Variants in KHDRBS2 observed in about 807,000 individuals in gnomAD.
KHDRBS2 encodes the protein KH domain-containing, RNA-binding, signal transduction-associated protein 2.
KHDRBS2 carries 26 observed loss-of-function variants against 44.3 expected under a neutral mutation model. The ratio of observed to expected loss-of-function variants is 0.59; its 90% CI spans 0.43 to 0.81. The LOEUF (loss-of-function observed/expected upper bound fraction) is 0.81. Among genes scored for constraint, KHDRBS2 ranks in the 40% least tolerant of loss-of-function variants. KHDRBS2 has a pLI of 0.00. For missense variants in KHDRBS2, 476 were observed against 433.1 expected, an observed-to-expected ratio of 1.10 and a Z score of -0.88; for synonymous variants, 194 against 151.1, an observed-to-expected ratio of 1.28 and a Z score of -2.08.
intron 4 of KHDRBS2, among the ~76,000 whole-genome samples, chr6:61,905,856 T>TTC (rs1310608771): frequency 8.5e-5 from 12 of 141,438 alleles, no homozygotes; most frequent in Admixed American, 2.1e-4. Context: ...AAACTTTTCT[T>TTC]TTTTTTTTTT....
At chr6:61,839,834 G>A (rs1342742065) in intron 6 of KHDRBS2, among the ~76,000 whole-genome samples, 1 of 152,002 alleles carries the variant, frequency 6.6e-6, no homozygotes, top group East Asian at 1.9e-4. Flanking sequence ...AGCAGGAACA[G>A]GTAAGAAAGA....
intron 2 of KHDRBS2, among the ~76,000 whole-genome samples, chr6:62,066,117 A>C (rs1005068511): frequency 6.7e-6 from 1 of 149,878 alleles, no homozygotes; most frequent in Non-Finnish European, 1.5e-5. Context: ...TTTACTCAAA[A>C]AGATTCATTA....
Position 62,099,597 on chromosome 6 carries a change from C to T in KHDRBS2, c.220-51603G>A, listed in dbSNP as rs189999993. 4.8e-4 allele frequency among the ~76,000 whole-genome samples: 73 copies of T among 152,276 alleles called. 1 individual carries two copies. In the East Asian group the frequency reaches 0.013, roughly 27 times the overall value. On this transcript the variant is annotated intron_variant, in intron 2 of 8. Transcript: ENST00000281156. Reference sequence around the variant, plus strand: ...GGTCAGGAACCGTGGGGCTGTGACCCATGCTGGACCTCCCTGGTGAAGGGC... The same window carrying T: ...GGTCAGGAACCGTGGGGCTGTGACCTATGCTGGACCTCCCTGGTGAAGGGC...
At chr6:62,000,796 A>T (rs1778093946) in intron 3 of KHDRBS2, among the ~76,000 whole-genome samples, 1 of 152,216 alleles carries the variant, frequency 6.6e-6, no homozygotes, top group African/African-American at 2.4e-5. Context: ...AGTCAGCATC[A>T]CATGTTCAAA....
intron 6 of KHDRBS2, among the ~76,000 whole-genome samples, chr6:61,792,952 C>A (rs1347909940): frequency 6.6e-6 from 1 of 151,764 alleles, no homozygotes; most frequent in African/African-American, 2.4e-5. Context: ...CAAGAGGGGC[C>A]AAGAAAACAG....
intron 4 of KHDRBS2, among the ~76,000 whole-genome samples, chr6:61,954,949 CAT>C (rs372903655): frequency 2.6e-4 from 17 of 66,406 alleles, no homozygotes; most frequent in East Asian, 6.4e-4. Flanking sequence ...TATGTGTATA[CAT>C]ATATATGTAT....
At chr6:62,251,637 A>G (rs1181399442) in intron 1 of KHDRBS2, among the ~76,000 whole-genome samples, 10 of 151,992 alleles carry the variant, frequency 6.6e-5, no homozygotes, top group Non-Finnish European at 2.9e-5. Context: ...ATTTCAATAA[A>G]TAATTGAAGT....
the KHDRBS2 span, among the ~76,000 whole-genome samples, chr6:61,621,917 A>G: frequency 6.6e-6 from 1 of 152,166 alleles, no homozygotes; most frequent in African/African-American, 2.4e-5. Flanking sequence ...ATTCTTTAGC[A>G]CCTGAAAAAA....
the KHDRBS2 span, among the ~76,000 whole-genome samples, chr6:61,548,251 A>C: frequency 1.6e-4 from 25 of 152,280 alleles, no homozygotes; most frequent in African/African-American, 6.0e-4. Context: ...AAGCCAAAAC[A>C]TGAGATATTT....
chr6:62,239,294 T>C (rs138325171), intron 1 of KHDRBS2, among the ~76,000 whole-genome samples: 104 of 152,256 alleles, frequency 6.8e-4, no homozygotes, highest in African/African-American at 2.4e-3. Context: ...CAAGTATGGC[T>C]GAGCACGGTG....
chr6:62,062,664 C>T (rs1357270154), intron 2 of KHDRBS2, among the ~76,000 whole-genome samples: 2 of 148,306 alleles, frequency 1.3e-5, no homozygotes, highest in African/African-American at 2.5e-5. Flanking sequence ...TAAATGCCCA[C>T]AAGAGAAAGC....
chr6:61,614,142 T>A, the KHDRBS2 span, among the ~76,000 whole-genome samples: 1 of 152,214 alleles, frequency 6.6e-6, no homozygotes, highest in African/African-American at 2.4e-5. Flanking sequence ...ACCTCACTAC[T>A]TACAGTCACA....
At chr6:61,546,764 T>A in the KHDRBS2 span, among the ~76,000 whole-genome samples, 1 of 152,126 alleles carries the variant, frequency 6.6e-6, no homozygotes, top group Non-Finnish European at 1.5e-5. Context: ...ACCACACAGT[T>A]CAAATACCAG....
Position 62,065,670 on chromosome 6 carries a change from T to C in KHDRBS2, c.220-17676A>G, listed in dbSNP as rs1266300312. Among the ~76,000 whole-genome samples, 3 of 143,816 alleles carry C rather than the reference T, an allele frequency of 2.1e-5. No homozygotes were observed. In the East Asian group the frequency reaches 6.6e-4, roughly 31 times the overall value. The allele number at this position is 143,816 out of a possible 152,430, so 94.3% of individuals were successfully genotyped here. A position where few individuals can be genotyped will look rare whatever the true frequency, so the allele number is the denominator to read the frequency against. On this transcript the variant is annotated intron_variant, in intron 2 of 8. Coordinates refer to ENST00000281156, the MANE Select transcript of KHDRBS2 (RefSeq NM_152688.4). ...AGGGGGGAGGGATAGCATTGGGAGA[T>C]ATACCTAATGCTAGATGACGAGTTA... is the stretch of plus-strand genomic sequence containing the variant.
chr6:61,929,409 A>T (rs1183367470), intron 4 of KHDRBS2, among the ~76,000 whole-genome samples: 1 of 152,192 alleles, frequency 6.6e-6, no homozygotes, highest in African/African-American at 2.4e-5. Context: ...AATTTGGCTT[A>T]AGGAATATTT....
At chr6:61,972,219 A>T (rs1358138717) in intron 4 of KHDRBS2, among the ~76,000 whole-genome samples, 1 of 152,200 alleles carries the variant, frequency 6.6e-6, no homozygotes, top group Non-Finnish European at 1.5e-5. Context: ...TCAATCAATT[A>T]GCAATGATAC....
At chr6:61,578,106 G>A in the KHDRBS2 span, among the ~76,000 whole-genome samples, 8 of 152,032 alleles carry the variant, frequency 5.3e-5, no homozygotes, top group East Asian at 3.9e-4. Flanking sequence ...AATGTTAAAC[G>A]TCCTCAGCTT....
intron 1 of KHDRBS2, among the ~76,000 whole-genome samples, chr6:62,263,457 C>G (rs1204091022): frequency 6.6e-6 from 1 of 151,520 alleles, no homozygotes; most frequent in Non-Finnish European, 1.5e-5. Flanking sequence ...ATTACTGATA[C>G]ATGATTAATG....
downstream of KHDRBS2, among the ~76,000 whole-genome samples, chr6:61,679,616 G>A (rs565312505): frequency 9.2e-5 from 14 of 152,032 alleles, no homozygotes; most frequent in Admixed American, 7.9e-4. Flanking sequence ...CTTCTAGGGC[G>A]GTGATATTTA....
Sources: gnomAD v4.1 joint callset for allele counts (sites outside exome capture counted in the v4.1 genomes callset) on GRCh38, gnomAD v4.1.1 for gene constraint, MANE v1.5 for transcripts, NCBI Gene and HGNC (gene_info 2026-07-23, HGNC 2026-07-21) for gene names.